SLC44A1: variants seen among roughly 807,000 people sequenced by gnomAD.
The protein encoded by SLC44A1 is solute carrier family 44 member 1.
A neutral mutation model predicts 79.3 loss-of-function variants in SLC44A1; 26 were observed. That is an observed-to-expected ratio of 0.33 (90% CI 0.24 to 0.46). The LOEUF is 0.46. Ranked by LOEUF, SLC44A1 falls within the 20% of genes least tolerant of loss-of-function variation. The pLI is 1.00. For synonymous variants in SLC44A1, 263 were observed against 286.2 expected (o/e 0.92, Z 0.82); for missense variants, 688 against 798.1 (o/e 0.86, Z 1.66).
At chr9:105,271,579 A>G (rs1830078396) in intron 1 of SLC44A1, among the ~76,000 whole-genome samples, 1 of 152,150 alleles carries the variant, frequency 6.6e-6, no homozygotes. Flanking sequence ...GTTTATCTCT[A>G]GTGTGAAGTC....
In SLC44A1 at chr9:105,348,397, A is replaced by G; in HGVS notation, c.446A>G (p.Tyr149Cys). 6.2e-7 allele frequency: 1 copy of G among 1,612,184 alleles called. No individual in the cohort carries two copies. Among genetic ancestry groups the G allele is most frequent in the Non-Finnish European group, 8.5e-7 (1 of 1,178,490 alleles). The change falls in exon 5 of 16, where the codon TAC (tyrosine) becomes TGC (cysteine). Residue 149 changes from tyrosine (Y) to cysteine (C), a missense_variant. Tyr to Cys is a radical substitution (Grantham distance 194). Coordinates refer to ENST00000374720, the MANE Select transcript of SLC44A1 (RefSeq NM_080546.5). ...LCSYNLKPSE[Y>C]TTSPKSSVLC... Reference sequence around the variant, plus strand: ...AGCTACAACCTAAAGCCTTCTGAATACACTACATCTCCAAAATCTTCTGTT... The same window carrying G: ...AGCTACAACCTAAAGCCTTCTGAATGCACTACATCTCCAAAATCTTCTGTT...
intron 1 of SLC44A1, among the ~76,000 whole-genome samples, chr9:105,288,724 A>G (rs1035184479): frequency 4.6e-5 from 7 of 152,200 alleles, no homozygotes; most frequent in African/African-American, 1.7e-4. Context: ...GTGGTTAACC[A>G]ATTTACATTG....
intron 12 of SLC44A1, 138 bp downstream of exon 12, chr9:105,366,567 T>C (rs1827948446): frequency 2.4e-6 from 1 of 417,314 alleles, no homozygotes; most frequent in East Asian, 3.8e-5. Flanking sequence ...AGTATGTCTA[T>C]TTCAATCATA....
At chr9:105,355,430 A>G (rs186166659) in intron 5 of SLC44A1, among the ~76,000 whole-genome samples, 1 of 152,348 alleles carries the variant, frequency 6.6e-6, no homozygotes, top group African/African-American at 2.4e-5. Context: ...AGTAACTGAT[A>G]AAAAGAAAAT....
At chr9:105,373,711 G>A (rs1266506225) in intron 12 of SLC44A1, among the ~76,000 whole-genome samples, 4 of 152,368 alleles carry the variant, frequency 2.6e-5, no homozygotes, top group South Asian at 4.1e-4. Context: ...ACTTCATGGT[G>A]TTGGCCTCAC....
intron 1 of SLC44A1, among the ~76,000 whole-genome samples, chr9:105,296,498 A>C (rs1229212248): frequency 6.6e-6 from 1 of 152,232 alleles, no homozygotes; most frequent in Non-Finnish European, 1.5e-5. Context: ...AAATACTAAG[A>C]AAATAGTTGG....
chr9:105,397,258 C>T lies in SLC44A1; in HGVS notation c.*8202C>T. 1.0e-6 allele frequency: 1 copy of T among 985,054 alleles called. No individual in the cohort carries two copies. The highest frequency in any genetic ancestry group is 1.2e-6 in the Non-Finnish European group (1 of 829,636). The allele number at this position is 985,054 out of a possible 1,614,324, so 61.0% of individuals were successfully genotyped here. A position where few individuals can be genotyped will look rare whatever the true frequency, so the allele number is the denominator to read the frequency against. Reference sequence around the variant, plus strand: ...GCTAAGTTTTCTCTGTGTACTGACTCAGTTGCCAGAATTATAATGAAAACT... The same window carrying T: ...GCTAAGTTTTCTCTGTGTACTGACTTAGTTGCCAGAATTATAATGAAAACT... On this transcript the variant is annotated 3_prime_UTR_variant, in exon 16 of 16. Coordinates refer to ENST00000374720, the MANE Select transcript of SLC44A1 (RefSeq NM_080546.5).
At chr9:105,399,931 C>T (rs1450542712), downstream of SLC44A1, among the ~76,000 whole-genome samples, 2 of 152,190 alleles carry the variant, frequency 1.3e-5, no homozygotes, top group African/African-American at 4.8e-5. Context: ...TGCAGTGGCT[C>T]ATGCCTGTAA....
chr9:105,249,189 G>A (rs776383068), intron 1 of SLC44A1, among the ~76,000 whole-genome samples: 12 of 152,182 alleles, frequency 7.9e-5, no homozygotes, highest in East Asian at 1.9e-4. Context: ...AAAACAATCA[G>A]AAGTGGTTTA....
At chr9:105,403,961 A>G (rs1023102696) in intron 15 of SLC44A1, among the ~76,000 whole-genome samples, 6 of 151,918 alleles carry the variant, frequency 3.9e-5, no homozygotes, top group African/African-American at 1.5e-4. Context: ...AACCAAAGGA[A>G]TGTTTGGAGA....
intron 4 of SLC44A1, among the ~76,000 whole-genome samples, chr9:105,343,389 A>G (rs1190423602): frequency 1.3e-5 from 2 of 152,236 alleles, no homozygotes; most frequent in Admixed American, 6.5e-5. Flanking sequence ...ATCTATTCAG[A>G]TAATGCTAAT....
Position 105,393,344 on chromosome 9 carries a change from G to A in SLC44A1, c.*4288G>A, listed in dbSNP as rs2131487404. On this transcript the variant is annotated 3_prime_UTR_variant, in exon 16 of 16. Transcript: ENST00000374720. ...GGCACATAGTCCAAATTTTTAAAAAGCAAGACCCTTGAATATGCCAAGAGA... is the reference window on the plus strand; with the variant it reads ...GGCACATAGTCCAAATTTTTAAAAAACAAGACCCTTGAATATGCCAAGAGA... 1 of 985,266 alleles carries A rather than the reference G, an allele frequency of 1.0e-6. No individual in the cohort carries two copies. Among genetic ancestry groups the A allele is most frequent in the South Asian group, 4.7e-5 (1 of 21,288 alleles). The allele number at this position is 985,266 out of a possible 1,614,324, so 61.0% of individuals were successfully genotyped here. A position where few individuals can be genotyped will look rare whatever the true frequency, so the allele number is the denominator to read the frequency against.
intron 12 of SLC44A1, among the ~76,000 whole-genome samples, chr9:105,366,799 A>T (rs1205400131): frequency 1.3e-5 from 2 of 152,212 alleles, no homozygotes; most frequent in Non-Finnish European, 2.9e-5. Context: ...TTTCCTAAGA[A>T]TCTGACTACT....
intron 12 of SLC44A1, among the ~76,000 whole-genome samples, chr9:105,370,048 A>T (rs1345727347): frequency 6.6e-6 from 1 of 152,212 alleles, no homozygotes; most frequent in African/African-American, 2.4e-5. Flanking sequence ...AATGTTAATC[A>T]GTGATGTCTG....
chr9:105,363,736 A>G (rs1325421871), intron 9 of SLC44A1, among the ~76,000 whole-genome samples: 1 of 152,218 alleles, frequency 6.6e-6, no homozygotes, highest in Non-Finnish European at 1.5e-5. Context: ...AAGTGCTGGG[A>G]TTACAGGCGT....
At chr9:105,334,634 T>C (rs899066297) in intron 3 of SLC44A1, among the ~76,000 whole-genome samples, 17 of 152,214 alleles carry the variant, frequency 1.1e-4, no homozygotes, top group African/African-American at 3.9e-4. Context: ...TTGTACTCCC[T>C]TCCTTGATCC....
At chr9:105,359,497 A>G (rs146878113) in intron 7 of SLC44A1, among the ~76,000 whole-genome samples, 188 of 152,336 alleles carry the variant, frequency 1.2e-3, no homozygotes, top group Non-Finnish European at 2.3e-3. Context: ...AAAACTCTAG[A>G]TATGAATAGT....
At chr9:105,265,925 A>G (rs1044636172) in intron 1 of SLC44A1, among the ~76,000 whole-genome samples, 1 of 151,736 alleles carries the variant, frequency 6.6e-6, no homozygotes, top group African/African-American at 2.4e-5. Context: ...TTGGTGTTGT[A>G]TCTTTCGAAT....
chr9:105,328,597 G>A (rs899670610), intron 3 of SLC44A1, among the ~76,000 whole-genome samples: 5 of 152,150 alleles, frequency 3.3e-5, no homozygotes, highest in African/African-American at 1.2e-4. Flanking sequence ...TGATCCTTGG[G>A]CTTCCTCTGC....
Sources: allele counts gnomAD v4.1 joint callset (sites outside exome capture counted in the v4.1 genomes callset), GRCh38; gene constraint gnomAD v4.1.1; transcripts MANE v1.5; gene names NCBI Gene and HGNC (gene_info 2026-07-23, HGNC 2026-07-21).